RREB1: variants seen among roughly 807,000 people sequenced by gnomAD.
The protein encoded by RREB1 is ras responsive element binding protein 1.
In RREB1, 27 loss-of-function variants were observed where a neutral mutation model predicts 117.8. That is an observed-to-expected ratio of 0.23 (90% CI 0.17 to 0.32). The LOEUF is 0.32. Among genes scored for constraint, RREB1 ranks in the 10% least tolerant of loss-of-function variants. The pLI is 1.00. For synonymous variants in RREB1, 1,298 were observed against 1,026.7 expected (o/e 1.26, Z -5.05); for missense variants, 2,577 against 2,378.2 (o/e 1.08, Z -1.74).
rs901636935 is a variant in RREB1, at chr6:7,249,156, G to A, written c.*188G>A. ...GTGCCATAGCCTTACCGCAGCCTGC[G>A]CGGGAGGCCACAGCCCGTGCCGATT... On this transcript the variant is annotated 3_prime_UTR_variant, in exon 13 of 13. Coordinates refer to ENST00000379938, the MANE Select transcript of RREB1 (RefSeq NM_001003699.4). 45 of 550,408 alleles carry A rather than the reference G, an allele frequency of 8.2e-5. No individual in the cohort carries two copies. The highest frequency in any genetic ancestry group is 5.7e-4 in the African/African-American group (30 of 53,026). The allele number at this position is 550,408 out of a possible 1,614,324, so 34.1% of individuals were successfully genotyped here. A position where few individuals can be genotyped will look rare whatever the true frequency, so the allele number is the denominator to read the frequency against.
At chr6:7,130,671 C>T (rs986815744) in intron 1 of RREB1, among the ~76,000 whole-genome samples, 1 of 151,294 alleles carries the variant, frequency 6.6e-6, no homozygotes, top group Non-Finnish European at 1.5e-5. Context: ...GGCTGGAGTG[C>T]CATGGCGTGA....
intron 1 of RREB1, among the ~76,000 whole-genome samples, chr6:7,125,990 TG>T (rs1384688858): frequency 9.3e-4 from 138 of 147,700 alleles, no homozygotes; most frequent in African/African-American, 3.4e-3. Context: ...GACTGTTTTT[TG>T]TTTGTTTGTT....
chr6:7,205,924 G>A (rs1326298650), intron 6 of RREB1, among the ~76,000 whole-genome samples: 1 of 152,170 alleles, frequency 6.6e-6, no homozygotes, highest in African/African-American at 2.4e-5. Context: ...GTGCCAAAAA[G>A]TGCTCAGATT....
At chr6:7,212,197 T>C (rs751156841) in intron 8 of RREB1, 1 of 154,460 alleles carries the variant, frequency 6.5e-6, no homozygotes, top group Non-Finnish European at 1.4e-5. Flanking sequence ...AGAAGCCATT[T>C]TGGGGTCAGA....
rs147277801 is a variant in RREB1 at position 7,220,498 on chromosome 6, G to A, written c.708-5969G>A. Among the ~76,000 whole-genome samples, 746 of 152,196 alleles carry A rather than the reference G, an allele frequency of 4.9e-3. 4 individuals carry two copies. Among genetic ancestry groups the A allele is most frequent in the African/African-American group, 0.017 (701 of 41,514 alleles). Reference sequence around the variant, plus strand: ...AGTTTTGTTTTTGAAAGGGTCAGTGGGGTTTTGTTAATTTTCTTTAAATTC... The same window carrying A: ...AGTTTTGTTTTTGAAAGGGTCAGTGAGGTTTTGTTAATTTTCTTTAAATTC... On this transcript the variant is annotated intron_variant, in intron 8 of 12. Transcript: ENST00000379938.
At chr6:7,219,893 ACCCTAC>A (rs1341973518) in intron 8 of RREB1, among the ~76,000 whole-genome samples, 1 of 151,780 alleles carries the variant, frequency 6.6e-6, no homozygotes, top group Non-Finnish European at 1.5e-5. Context: ...TCTCTACTTC[ACCCTAC>A]CCAGTGCCGC....
At position 7,229,333 on chromosome 6, in the gene RREB1, C is replaced by T; in HGVS notation, c.1234C>T (p.Leu412=). 1 of 1,614,224 alleles carries T rather than the reference C, an allele frequency of 6.2e-7. No individual in the cohort carries two copies. The highest frequency in any genetic ancestry group is 1.3e-5 in the African/African-American group (1 of 75,052). ...CCCCGGCTGCACCAACCTGCTGAGC[C>T]TGTCACCTTTCGAAGCTGCTTCCCT... is the stretch of plus-strand genomic sequence containing the variant. ...QDPGCTNLLS[L]SPFEAASLGG... is the part of the protein sequence containing the mutation. The change falls in exon 10 of 13, where the codon CTG becomes TTG. Residue 412 remains leucine, a synonymous_variant. Transcript: ENST00000379938. The surrounding 1 kb of genome is among the most constrained non-coding windows in gnomAD (Gnocchi z 4.5).
rs575977776 is a variant in RREB1 at position 7,199,639 on chromosome 6, T to TTG, written c.425+10330_425+10331dup. On this transcript the variant is annotated intron_variant, in intron 6 of 12. Coordinates refer to ENST00000379938, the MANE Select transcript of RREB1 (RefSeq NM_001003699.4). ...ATATATATGTGTGTGTGCTTGGGTT[T>TTG]TGTGTGTGTGTGTGATTTTTTTGTT... 3.9e-3 allele frequency among the ~76,000 whole-genome samples: 589 copies of TTG among 151,906 alleles called. 1 individual carries two copies. Among genetic ancestry groups the TTG allele is most frequent in the Middle Eastern group, 0.017 (5 of 294 alleles).
chr6:7,187,189 T>C (rs1279766924), intron 4 of RREB1, among the ~76,000 whole-genome samples: 1 of 152,206 alleles, frequency 6.6e-6, no homozygotes, highest in Non-Finnish European at 1.5e-5. Flanking sequence ...TTCTAGTGCT[T>C]GGCATGTGGT....
chr6:7,189,406 G>A (rs1765278227), intron 6 of RREB1, 84 bp downstream of exon 6: 3 of 1,305,944 alleles, frequency 2.3e-6, no homozygotes, highest in South Asian at 1.5e-5. Context: ...GCCTTCAGAA[G>A]ACTTGCCTAA....
intron 1 of RREB1, among the ~76,000 whole-genome samples, chr6:7,128,579 T>A (rs1299937959): frequency 7.2e-5 from 11 of 152,198 alleles, no homozygotes; most frequent in Non-Finnish European, 1.3e-4. Context: ...CAGTGACACA[T>A]GACCAGGAAG....
At position 7,138,057 on chromosome 6, in the gene RREB1, T is replaced by C. The variant is rs112009295; in HGVS notation, c.-285+29997T>C. On this transcript the variant is annotated intron_variant, in intron 1 of 12. Transcript: ENST00000379938. ...AAAAAGCATTAGTTAATTAGACTTT[T>C]ACACCTCAGTCAGATGGCATTAGAC... Among the ~76,000 whole-genome samples, 92 of 152,348 alleles carry C rather than the reference T, an allele frequency of 6.0e-4. 1 individual carries two copies. Among genetic ancestry groups the C allele is most frequent in the Non-Finnish European group, 1.1e-3 (74 of 68,038 alleles).
chr6:7,251,141 C>T lies in RREB1; in HGVS notation c.*2173C>T, dbSNP rs896179540. On this transcript the variant is annotated 3_prime_UTR_variant, in exon 13 of 13. Transcript: ENST00000379938. ...AGATGTAGCAGTAATCAGCTCCCAG[C>T]GACGTGTGTAGCTGGGGCTGCCGCT... The T allele has an allele frequency of 6.6e-6, 1 of 152,106 alleles. No individual in the cohort carries two copies. The highest frequency in any genetic ancestry group is 1.5e-5 in the Non-Finnish European group (1 of 68,030). 9.4% of individuals were successfully genotyped at this position (152,106 alleles called of 1,614,324 possible).
chr6:7,108,605 A>C (rs1021956472), intron 1 of RREB1: 2 of 150,738 alleles, frequency 1.3e-5, no homozygotes, highest in African/African-American at 4.9e-5. Flanking sequence ...CCTCCCCCCC[A>C]TGTGGGAGGG....
intron 2 of RREB1, among the ~76,000 whole-genome samples, chr6:7,179,841 G>A (rs1297808211): frequency 6.6e-6 from 1 of 151,634 alleles, no homozygotes. Flanking sequence ...TGTAGAGATA[G>A]GGTCTTGCTG....
chr6:7,247,790 C>A (rs1769179617), intron 12 of RREB1, among the ~76,000 whole-genome samples: 1 of 152,222 alleles, frequency 6.6e-6, no homozygotes, highest in African/African-American at 2.4e-5. Context: ...GCTGCAGACC[C>A]CAGAGCAGGG....
At position 7,231,277 on chromosome 6, in the gene RREB1, G is replaced by A. The variant is rs1306982413; in HGVS notation, c.3178G>A (p.Glu1060Lys). The part of the protein sequence containing the change: ...PLLLPKPPVT[E>K]ELPPLASIAQ... Reference sequence around the variant, plus strand: ...GCTTTTGCCAAAGCCCCCCGTGACAGAAGAGCTGCCCCCGCTGGCCTCCAT... The same window carrying A: ...GCTTTTGCCAAAGCCCCCCGTGACAAAAGAGCTGCCCCCGCTGGCCTCCAT... The change falls in exon 10 of 13, where the codon GAA becomes AAA. Residue 1060 changes from glutamate to lysine, a missense_variant. Physicochemically the swap from Glu to Lys is moderately conservative, Grantham distance 56 (BLOSUM62 1). Transcript: ENST00000379938. 1 of 1,610,978 alleles carries A rather than the reference G, an allele frequency of 6.2e-7. No individual in the cohort carries two copies. Among genetic ancestry groups the A allele is most frequent in the Non-Finnish European group, 8.5e-7 (1 of 1,178,482 alleles).
At chr6:7,246,349 T>C (rs1769017332) in intron 11 of RREB1, 75 bp from the exon 12 acceptor site, 1 of 1,348,954 alleles carries the variant, frequency 7.4e-7, no homozygotes. Flanking sequence ...GTCTAGCCCA[T>C]TCCCGGCGAC....
At chr6:7,157,359 G>A (rs766801138) in intron 1 of RREB1, among the ~76,000 whole-genome samples, 1 of 151,892 alleles carries the variant, frequency 6.6e-6, no homozygotes, top group Non-Finnish European at 1.5e-5. Flanking sequence ...GCTTGAACCC[G>A]GGAGGTGGAG....
Sources: allele counts gnomAD v4.1 joint callset (sites outside exome capture counted in the v4.1 genomes callset), GRCh38; gene constraint gnomAD v4.1.1; non-coding constraint Gnocchi (gnomAD v3.1); transcripts MANE v1.5; gene names NCBI Gene and HGNC (gene_info 2026-07-23, HGNC 2026-07-21).